The following LRRK2 variants were observed in gnomAD, a reference collection of about 807,000 sequenced individuals.
The protein encoded by LRRK2 is leucine-rich repeat serine/threonine-protein kinase 2.
A neutral mutation model predicts 302.6 loss-of-function variants in LRRK2; 203 were observed. The ratio of observed to expected loss-of-function variants is 0.67; its 90% confidence interval spans 0.60 to 0.75. The LOEUF is 0.75. LRRK2 is among the 30% of genes least tolerant of loss of function. The pLI is 0.00. For synonymous variants in LRRK2, 1,066 were observed against 1,031.9 expected, an observed-to-expected ratio of 1.03 and a Z score of -0.63; for missense variants, 2,830 against 2,951.0, an observed-to-expected ratio of 0.96 and a Z score of 0.95.
At chr12:40,227,178 A>G (rs1306132333) in intron 2 of LRRK2, among the ~76,000 whole-genome samples, 2 of 152,138 alleles carry the variant, frequency 1.3e-5, no homozygotes, top group Non-Finnish European at 2.9e-5. Context: ...GTAATTAATT[A>G]CTTTTTTGGA....
chr12:40,267,637 T>C (rs1034669544), intron 14 of LRRK2, among the ~76,000 whole-genome samples: 1 of 152,154 alleles, frequency 6.6e-6, no homozygotes, highest in African/African-American at 2.4e-5. Flanking sequence ...TTTTCCCCCA[T>C]GCCAGTACTG....
In LRRK2 at chr12:40,284,107, A is replaced by T; in HGVS notation, c.2474A>T (p.Lys825Met). The change falls in exon 19 of 51, where the codon AAG becomes ATG. Residue 825 changes from lysine (K) to methionine (M), a missense_variant. Lys to Met is a moderately conservative substitution (Grantham distance 95). Transcript: ENST00000298910. Reference protein sequence around the residue: ...PSWLGPLFPDKTSNLRKQTNI... With the variant: ...PSWLGPLFPDMTSNLRKQTNI... ...TGGCTTGGTCCTTTATTTCCAGATA[A>T]GACTTCTAATTTAAGGAAACAAACA... 1 of 1,611,694 alleles carries T rather than the reference A, an allele frequency of 6.2e-7. No homozygotes were observed. Among genetic ancestry groups the T allele is most frequent in the Middle Eastern group, 1.7e-4 (1 of 6,050 alleles).
intron 18 of LRRK2, among the ~76,000 whole-genome samples, chr12:40,280,165 A>G (rs1004016432): frequency 6.6e-6 from 1 of 152,182 alleles, no homozygotes; most frequent in Non-Finnish European, 1.5e-5. Flanking sequence ...TAAAAATAAT[A>G]AGAGGCTGGG....
intron 2 of LRRK2, 58 bp from the exon 3 acceptor site, chr12:40,232,216 G>A: frequency 8.4e-7 from 1 of 1,188,772 alleles, no homozygotes; most frequent in Admixed American, 1.7e-5. Context: ...ATGTTTGACT[G>A]AGTATGCTCT....
chr12:40,354,437 G>A lies in LRRK2; in HGVS notation c.6715G>A (p.Glu2239Lys), dbSNP rs200682120. 1.2e-6 allele frequency: 2 copies of A among 1,614,138 alleles called. No homozygotes were observed. The highest frequency in any genetic ancestry group is 4.5e-5 in the East Asian group (2 of 44,866). ...TEDGKKRHTLEKMTDSVTCLY... is the reference protein window; with the variant it reads ...TEDGKKRHTLKKMTDSVTCLY... The stretch of plus-strand genomic sequence containing the variant: ...AGATGGGAAAAAGAGACATACCCTA[G>A]AAAAGATGACTGATTCTGTCACTTG... Residue 2239 changes from glutamate (E) to lysine (K), a missense_variant, in exon 45 of 51, where the codon GAA becomes AAA. Physicochemically the swap from Glu to Lys is moderately conservative, Grantham distance 56. Around this residue, in one of 3 missense-constraint regions of LRRK2, gnomAD observed 456 missense variants for 456.3 expected, o/e 1.00. Transcript: ENST00000298910.
rs776361465 is a variant in LRRK2 at position 40,225,674 on chromosome 12, C to G, written c.237+34C>G. Reference sequence around the variant, plus strand: ...ATTGTTTTCACTTCAACTCATTCTCCCTTCTGTTTGGAAGGAGACGTTTTA... The same window carrying G: ...ATTGTTTTCACTTCAACTCATTCTCGCTTCTGTTTGGAAGGAGACGTTTTA... On this transcript the variant is annotated intron_variant, in intron 2 of 50. Transcript: ENST00000298910. 3.2e-6 allele frequency: 5 copies of G among 1,564,142 alleles called. No homozygotes were observed. In the Middle Eastern group the frequency reaches 8.3e-4, roughly 261 times the overall value.
intron 14 of LRRK2, among the ~76,000 whole-genome samples, chr12:40,271,175 T>C (rs1943219384): frequency 6.6e-6 from 1 of 152,144 alleles, no homozygotes; most frequent in African/African-American, 2.4e-5. Flanking sequence ...TTCTAATTTT[T>C]CAAAGACTAA....
At position 40,367,722 on chromosome 12, in the gene LRRK2, GAA is replaced by G. The variant is rs1565787075; in HGVS notation, c.7544_7545del (p.Lys2515ArgfsTer4). On this transcript the variant is annotated frameshift_variant, in exon 51 of 51. Transcript: ENST00000298910. LOFTEE classifies it high-confidence loss of function. Reference sequence around the variant, plus strand: ...AATTTAGAAAAACACATTGAAGTGAGAAAAGAATTAGCTGAAAAAATGAGACG... The same window carrying G: ...AATTTAGAAAAACACATTGAAGTGAGAAGAATTAGCTGAAAAAATGAGACG... 3 of 1,604,566 alleles carry G rather than the reference GAA, an allele frequency of 1.9e-6. No homozygotes were observed. In the South Asian group the frequency reaches 3.3e-5, roughly 18 times the overall value.
intron 28 of LRRK2, among the ~76,000 whole-genome samples, chr12:40,307,172 T>C (rs1306961825): frequency 1.3e-5 from 2 of 151,982 alleles, no homozygotes; most frequent in African/African-American, 4.8e-5. Flanking sequence ...AAGAAAGACA[T>C]TTTTTCAAAT....
chr12:40,265,323 G>A, intron 14 of LRRK2, among the ~76,000 whole-genome samples: 1 of 152,244 alleles, frequency 6.6e-6, no homozygotes, highest in South Asian at 2.1e-4. Flanking sequence ...TGAAACCTTG[G>A]TTCTTTTCTT....
chr12:40,298,829 A>G (rs926113241), intron 24 of LRRK2, among the ~76,000 whole-genome samples: 12 of 118,828 alleles, frequency 1.0e-4, no homozygotes, highest in African/African-American at 3.7e-4. Context: ...TAATACATAT[A>G]TTATATATAT....
chr12:40,295,018 T>G (rs991448018), intron 22 of LRRK2, 104 bp downstream of exon 22: 6 of 702,616 alleles, frequency 8.5e-6, no homozygotes, highest in Admixed American at 6.8e-5. Context: ...GCCAGTTTCA[T>G]CTTACATAAT....
intron 40 of LRRK2, among the ~76,000 whole-genome samples, chr12:40,336,941 A>G (rs1439028504): frequency 3.9e-5 from 6 of 152,214 alleles, no homozygotes; most frequent in Admixed American, 3.9e-4. Flanking sequence ...ACTGTTCGAA[A>G]CACCTTATCT....
rs184070633 is a variant in LRRK2 at position 40,283,001 on chromosome 12, T to A, written c.2242-874T>A. ...ATTATATATCTTTTCTAAATACTCA[T>A]CTATAAAATGGGAGTAATAATTGCT... On this transcript the variant is annotated intron_variant, in intron 18 of 50. Transcript: ENST00000298910. Among the ~76,000 whole-genome samples the A allele has an allele frequency of 1.4e-4, 21 of 152,174 alleles. 1 individual carries two copies. Among genetic ancestry groups the A allele is most frequent in the Admixed American group, 1.3e-3 (20 of 15,278 alleles).
rs747081397 is a variant in LRRK2, at chr12:40,278,000, A to G, written c.2054A>G (p.Glu685Gly). 4 of 1,613,668 alleles carry G rather than the reference A, an allele frequency of 2.5e-6. No homozygotes were observed. The African/African-American group carries it at 5.3e-5, about 22-fold the overall frequency. The change falls in exon 17 of 51, where the codon GAA becomes GGA. Residue 685 changes from glutamate (E) to glycine (G), a missense_variant. By Grantham distance (98) the Glu-to-Gly change is moderately conservative. Coordinates refer to ENST00000298910, the MANE Select transcript of LRRK2 (RefSeq NM_198578.4). ...CATCAAATGTCTTCCAATATCATGG[A>G]ACAAAAGGATCAACAGGTACAGTGT... ...IFHQMSSNIM[E>G]QKDQQFLNLC...
chr12:40,262,522 T>C (rs1942819023), intron 13 of LRRK2, among the ~76,000 whole-genome samples: 2 of 152,138 alleles, frequency 1.3e-5, no homozygotes. Context: ...AAGCACTATG[T>C]CTAGAATCCT....
At chr12:40,302,542 A>AATTTAT (rs1445692402) in intron 25 of LRRK2, among the ~76,000 whole-genome samples, 2 of 152,132 alleles carry the variant, frequency 1.3e-5, no homozygotes, top group Non-Finnish European at 2.9e-5. Flanking sequence ...TGGGTAGACA[A>AATTTAT]ATTTATATTT....
chr12:40,329,574 A>G (rs1038927622), intron 39 of LRRK2, among the ~76,000 whole-genome samples: 3 of 152,142 alleles, frequency 2.0e-5, no homozygotes, highest in Non-Finnish European at 4.4e-5. Context: ...AAATATTTCT[A>G]CTTCTAGATA....
At chr12:40,293,796 T>G (rs1051323550) in intron 21 of LRRK2, 133 bp downstream of exon 21, 2 of 625,718 alleles carry the variant, frequency 3.2e-6, no homozygotes, top group African/African-American at 3.7e-5. Context: ...ATTTTGAGAT[T>G]TTTATATATG....
Sources: allele counts gnomAD v4.1 joint callset (sites outside exome capture counted in the v4.1 genomes callset), GRCh38; gene constraint gnomAD v4.1.1; regional missense constraint gnomAD v4.1.1; transcripts MANE v1.5; gene names NCBI Gene and HGNC (gene_info 2026-07-23, HGNC 2026-07-21).